The following EXOC6 variants were observed in gnomAD, a reference collection of about 807,000 sequenced individuals.
The protein encoded by EXOC6 is SEC15-like 1.
Under a neutral mutation model 112.5 loss-of-function variants are expected in EXOC6, and 60 were observed. The observed-to-expected ratio is 0.53, with a 90% CI of 0.43 to 0.66. The LOEUF (loss-of-function observed/expected upper bound fraction) is 0.66. EXOC6 is among the 30% of genes least tolerant of loss of function. The probability of loss-of-function intolerance (pLI) is 0.00; values close to 1 mark genes in which losing one functional copy is unlikely to be tolerated. For missense variants in EXOC6, 855 were observed against 957.1 expected, an observed-to-expected ratio of 0.89 and a Z score of 1.41; for synonymous variants, 295 against 308.0, an observed-to-expected ratio of 0.96 and a Z score of 0.44.
chr10:92,999,489 ATATCT>A (rs1442891420), intron 19 of EXOC6: 26 of 250,944 alleles, frequency 1.0e-4, no homozygotes, highest in Middle Eastern at 1.3e-3. Flanking sequence ...GTCTGTATAA[ATATCT>A]TATATAAGCA....
rs1846573851 is a variant in EXOC6 at position 93,057,023 on chromosome 10, A to T, written c.2269A>T (p.Thr757Ser). ...TCGGGTGAATCCAAACACAGCCCTT[A>T]CTCTTTTGGAGAAGTGAGTATATTC... ...YLRVNPNTALTLLEKMKDTSK... is the reference protein window; with the variant it reads ...YLRVNPNTALSLLEKMKDTSK... The change falls in exon 21 of 22, where the codon ACT becomes TCT. Residue 757 changes from threonine (T) to serine (S), a missense_variant. Coordinates refer to ENST00000260762, the MANE Select transcript of EXOC6 (RefSeq NM_019053.6). 6.4e-7 allele frequency: 1 copy of T among 1,562,406 alleles called. No individual in the cohort carries two copies. The highest frequency in any genetic ancestry group is 8.6e-7 in the Non-Finnish European group (1 of 1,160,674).
chr10:92,965,706 T>A (rs969478564), intron 17 of EXOC6, among the ~76,000 whole-genome samples: 3 of 152,204 alleles, frequency 2.0e-5, no homozygotes, highest in Non-Finnish European at 2.9e-5. Flanking sequence ...ACAGGAAAAG[T>A]TACATTGAAA....
intron 13 of EXOC6, 49 bp downstream of exon 13, chr10:92,940,873 G>A: frequency 8.4e-7 from 1 of 1,188,908 alleles, no homozygotes; most frequent in Non-Finnish European, 1.2e-6. Context: ...TTTGTCAAAT[G>A]CTCAAGTGGT....
upstream of EXOC6, chr10:92,848,397 C>A (rs559500079): frequency 2.3e-4 from 131 of 581,062 alleles, no homozygotes; most frequent in African/African-American, 2.2e-3. Flanking sequence ...GCCTTCTGCC[C>A]GGCGTTCCGC....
chr10:93,031,543 C>T lies in EXOC6; in HGVS notation c.2169+17276C>T, dbSNP rs117520829. Among the ~76,000 whole-genome samples the T allele has an allele frequency of 5.7e-3, 685 of 120,168 alleles. 3 individuals carry two copies. Among genetic ancestry groups the T allele is most frequent in the South Asian group, 0.016 (58 of 3,724 alleles). The allele number at this position is 120,168 out of a possible 152,430, so 78.8% of individuals were successfully genotyped here. ...TTTTTTTTTTTTTGAGCAGAGTCTTCGCTCTGTCACCCAGGCTGGAGTGCA... is the reference window on the plus strand; with the variant it reads ...TTTTTTTTTTTTTGAGCAGAGTCTTTGCTCTGTCACCCAGGCTGGAGTGCA... On this transcript the variant is annotated intron_variant, in intron 20 of 21. Transcript: ENST00000260762.
At chr10:92,882,311 A>G (rs1018650831) in intron 1 of EXOC6, among the ~76,000 whole-genome samples, 5 of 152,124 alleles carry the variant, frequency 3.3e-5, no homozygotes, top group African/African-American at 1.2e-4. Context: ...TGGGAGGCCA[A>G]AGCAGGTGGA....
At chr10:93,005,250 T>C (rs944232404) in intron 19 of EXOC6, among the ~76,000 whole-genome samples, 2 of 152,214 alleles carry the variant, frequency 1.3e-5, no homozygotes, top group African/African-American at 4.8e-5. Context: ...CTAGTATAAC[T>C]GCATGTTTGG....
chr10:92,918,420 T>C (rs556529281), intron 7 of EXOC6, among the ~76,000 whole-genome samples: 37 of 151,336 alleles, frequency 2.4e-4, no homozygotes, highest in Admixed American at 6.6e-4. Flanking sequence ...GCATTTCTTT[T>C]TTTTTTTTTT....
chr10:92,909,600 C>T lies in EXOC6; in HGVS notation c.632C>T (p.Ser211Phe). Residue 211 changes from serine (S) to phenylalanine (F), a missense_variant, in exon 6 of 22, where the codon TCT (serine) becomes TTT (phenylalanine). Coordinates refer to ENST00000260762, the MANE Select transcript of EXOC6 (RefSeq NM_019053.6). ...TTTTTGGAAAGTATTCGAAAACATT[C>T]TGACAAAATAGGTGAAACAGCAATG... is the stretch of plus-strand genomic sequence containing the variant. ...KDFLESIRKH[S>F]DKIGETAMKQ... is the part of the protein sequence containing the mutation. The T allele has an allele frequency of 6.2e-7, 1 of 1,611,048 alleles. No individual in the cohort carries two copies. The highest frequency in any genetic ancestry group is 8.5e-7 in the Non-Finnish European group (1 of 1,178,176).
At chr10:92,921,004 A>AAAAAAACAG in intron 8 of EXOC6, among the ~76,000 whole-genome samples, 1 of 152,298 alleles carries the variant, frequency 6.6e-6, no homozygotes, top group African/African-American at 2.4e-5. Flanking sequence ...TCCAGTAGGT[A>AAAAAAACAG]ACACATAGTT....
chr10:92,922,749 G>A (rs1851515377), intron 8 of EXOC6, among the ~76,000 whole-genome samples: 1 of 152,128 alleles, frequency 6.6e-6, no homozygotes, highest in Non-Finnish European at 1.5e-5. Context: ...TACTTAGCTG[G>A]CTGTATCCTA....
At chr10:93,039,489 C>T (rs1845665824) in intron 20 of EXOC6, among the ~76,000 whole-genome samples, 1 of 152,140 alleles carries the variant, frequency 6.6e-6, no homozygotes, top group African/African-American at 2.4e-5. Flanking sequence ...AGCAAGTGCC[C>T]TTGCTGCTGC....
At chr10:92,916,060 A>G in intron 7 of EXOC6, 147 bp downstream of exon 7, 1 of 535,070 alleles carries the variant, frequency 1.9e-6, no homozygotes, top group Admixed American at 4.5e-5. Context: ...TCAGTGTGTC[A>G]AACTTTGACA....
intron 4 of EXOC6, among the ~76,000 whole-genome samples, chr10:92,895,342 CT>C (rs1849692411): frequency 6.6e-6 from 1 of 152,136 alleles, no homozygotes; most frequent in African/African-American, 2.4e-5. Context: ...TGGGGAGAGT[CT>C]TTTGGTTACA....
At chr10:92,920,126 A>C in intron 8 of EXOC6, 76 bp downstream of exon 8, 2 of 845,336 alleles carry the variant, frequency 2.4e-6, no homozygotes, top group Non-Finnish European at 3.6e-6. Context: ...GGCCCTAAAA[A>C]TTGATCATAT....
intron 1 of EXOC6, among the ~76,000 whole-genome samples, chr10:92,836,019 C>A (rs1846645700): frequency 6.6e-6 from 1 of 152,176 alleles, no homozygotes; most frequent in South Asian, 2.1e-4. Flanking sequence ...CTTGTGCATC[C>A]ACCTAGTGGC....
chr10:92,844,267 G>A (rs1474293715), upstream of EXOC6, among the ~76,000 whole-genome samples: 1 of 152,188 alleles, frequency 6.6e-6, no homozygotes, highest in Non-Finnish European at 1.5e-5. Context: ...TATATGCAAG[G>A]CACTGGGCTG....
At chr10:92,862,991 C>T (rs1454281160) in intron 1 of EXOC6, among the ~76,000 whole-genome samples, 1 of 152,184 alleles carries the variant, frequency 6.6e-6, no homozygotes, top group Non-Finnish European at 1.5e-5. Context: ...AACTGCCCTT[C>T]ATTGTTGAAG....
intron 9 of EXOC6, among the ~76,000 whole-genome samples, chr10:92,933,777 G>T (rs1450841125): frequency 6.6e-6 from 1 of 152,062 alleles, no homozygotes; most frequent in African/African-American, 2.4e-5. Context: ...CAGCTGGACA[G>T]GCTGGAAAAT....
Sources: gnomAD v4.1 joint callset for allele counts (sites outside exome capture counted in the v4.1 genomes callset) on GRCh38, gnomAD v4.1.1 for gene constraint, MANE v1.5 for transcripts, NCBI Gene and HGNC (gene_info 2026-07-23, HGNC 2026-07-21) for gene names.